UTP4: variants seen among roughly 807,000 people sequenced by gnomAD.
UTP4 encodes UTP4 small subunit processome component, also known as U3 small nucleolar RNA-associated protein 4 homolog.
A neutral mutation model predicts 82.4 loss-of-function variants in UTP4; 45 were observed. The observed-to-expected ratio is 0.55, with a 90% CI of 0.43 to 0.70. The LOEUF (loss-of-function observed/expected upper bound fraction) is 0.70. Ranked by LOEUF, UTP4 falls within the 30% of genes least tolerant of loss-of-function variation. The probability of loss-of-function intolerance (pLI) is 0.00; values close to 1 mark genes in which losing one functional copy is unlikely to be tolerated. For missense variants in UTP4, 819 were observed against 858.3 expected (o/e 0.95, Z 0.57); for synonymous variants, 348 against 300.3 (o/e 1.16, Z -1.64).
At chr16:69,154,773 A>G (rs1362323368) in intron 10 of UTP4, among the ~76,000 whole-genome samples, 1 of 151,536 alleles carries the variant, frequency 6.6e-6, no homozygotes, top group South Asian at 2.1e-4. Context: ...TTGTTGCCCA[A>G]GCTGGAGTGC....
chr16:69,139,512 G>A (rs1238616226), intron 4 of UTP4, among the ~76,000 whole-genome samples: 1 of 151,546 alleles, frequency 6.6e-6, no homozygotes, highest in Non-Finnish European at 1.5e-5. Flanking sequence ...GGTGGCAGGT[G>A]CCTGTAATCT....
intron 9 of UTP4, 122 bp from the exon 10 acceptor site, chr16:69,154,271 T>C: frequency 2.6e-6 from 2 of 758,898 alleles, no homozygotes; most frequent in Non-Finnish European, 4.6e-6. Flanking sequence ...TCAGTGAGCT[T>C]GTATTTTTCT....
At chr16:69,145,258 C>T (rs1963076515) in intron 6 of UTP4, among the ~76,000 whole-genome samples, 1 of 152,010 alleles carries the variant, frequency 6.6e-6, no homozygotes, top group Admixed American at 6.6e-5. Context: ...GAGAAAACTA[C>T]CCTTTTTAAA....
intron 4 of UTP4, chr16:69,139,524 A>T (rs1962900433): frequency 6.5e-6 from 1 of 154,748 alleles, no homozygotes; most frequent in Admixed American, 6.5e-5. Context: ...CTGTAATCTC[A>T]GCTACTAGGG....
intron 10 of UTP4, among the ~76,000 whole-genome samples, chr16:69,154,734 T>C (rs1963364603): frequency 6.6e-6 from 1 of 151,596 alleles, no homozygotes. Flanking sequence ...ATTTATTTAT[T>C]TATTTATTTT....
chr16:69,149,060 A>T (rs906441665), intron 6 of UTP4, among the ~76,000 whole-genome samples: 1 of 151,778 alleles, frequency 6.6e-6, no homozygotes, highest in Non-Finnish European at 1.5e-5. Flanking sequence ...AGCCTGGCAA[A>T]CGTGGTAAAA....
rs1963446203 is a variant in UTP4 at position 69,157,339 on chromosome 16, C to T, written c.1444+99C>T. ...TGTCGGGGGTTCCCTCATGTTCCTC[C>T]TACCCTGCAGATACACTCACTCACA... On this transcript the variant is annotated intron_variant, in intron 12 of 16. Coordinates refer to ENST00000314423, the MANE Select transcript of UTP4 (RefSeq NM_032830.3). The T allele has an allele frequency of 3.6e-5, 43 of 1,200,492 alleles. No individual in the cohort carries two copies. The South Asian group carries it at 5.6e-4, about 16-fold the overall frequency. 74.4% of individuals were successfully genotyped at this position (1,200,492 alleles called of 1,614,324 possible). A position where few individuals can be genotyped will look rare whatever the true frequency, so the allele number is the denominator to read the frequency against.
At position 69,157,250 on chromosome 16, in the gene UTP4, T is replaced by C. The variant is rs763381663; in HGVS notation, c.1444+10T>C. 1.2e-6 allele frequency: 2 copies of C among 1,613,760 alleles called. No homozygotes were observed. Among genetic ancestry groups the C allele is most frequent in the Non-Finnish European group, 1.7e-6 (2 of 1,179,894 alleles). ...TTCCAGCCTCAGTCAGGTGGGAATC[T>C]GGTAACTGGCCATGGGGAGACTTGT... On this transcript the variant is annotated intron_variant, in intron 12 of 16. Transcript: ENST00000314423.
chr16:69,136,930 G>T (rs373783176), intron 3 of UTP4, 43 bp downstream of exon 3: 3 of 1,542,876 alleles, frequency 1.9e-6, no homozygotes, highest in African/African-American at 1.4e-5. Flanking sequence ...AATTTCTCTC[G>T]TGCCTGCTCA....
chr16:69,165,740 G>C, intron 15 of UTP4: 1 of 631,480 alleles, frequency 1.6e-6, no homozygotes, highest in East Asian at 2.7e-5. Context: ...TCTCGGGGAA[G>C]GGGCTGGCCT....
intron 2 of UTP4, among the ~76,000 whole-genome samples, chr16:69,136,469 A>G (rs908882420): frequency 2.0e-5 from 3 of 152,238 alleles, no homozygotes; most frequent in African/African-American, 7.2e-5. Context: ...TTTTCTGCTG[A>G]AAATGTTTTG....
intron 5 of UTP4, among the ~76,000 whole-genome samples, chr16:69,140,137 C>T (rs1175794528): frequency 2.6e-5 from 4 of 152,052 alleles, no homozygotes; most frequent in African/African-American, 4.8e-5. Flanking sequence ...TTTCATTCAT[C>T]GTAATAAGAA....
intron 16 of UTP4, chr16:69,167,578 T>C: frequency 5.0e-6 from 1 of 201,476 alleles, no homozygotes; most frequent in Non-Finnish European, 1.0e-5. Flanking sequence ...CAGGTGGATC[T>C]CCTCAGCCCA....
chr16:69,146,088 C>G (rs1963100193), intron 6 of UTP4, among the ~76,000 whole-genome samples: 1 of 148,364 alleles, frequency 6.7e-6, no homozygotes, highest in Admixed American at 6.7e-5. Context: ...GCAACAGAGA[C>G]TCTGTCTCAA....
intron 9 of UTP4, among the ~76,000 whole-genome samples, 188 bp from the exon 10 acceptor site, chr16:69,154,205 C>T (rs761681831): frequency 3.3e-5 from 5 of 152,146 alleles, no homozygotes; most frequent in Non-Finnish European, 4.4e-5. Context: ...AGGATAGAAG[C>T]AAAAGAAGTA....
intron 6 of UTP4, among the ~76,000 whole-genome samples, chr16:69,147,583 G>C (rs1963152161): frequency 6.6e-6 from 1 of 152,112 alleles, no homozygotes; most frequent in Non-Finnish European, 1.5e-5. Context: ...TCTCTGATCT[G>C]GTTGTGCTTG....
At chr16:69,149,357 G>A (rs146836128) in intron 6 of UTP4, among the ~76,000 whole-genome samples, 427 of 152,152 alleles carry the variant, frequency 2.8e-3, no homozygotes, top group Non-Finnish European at 5.0e-3. Context: ...TCCAGCCTGG[G>A]CGACAAGAGT....
chr16:69,140,776 T>C (rs997121103), intron 5 of UTP4, among the ~76,000 whole-genome samples: 4 of 152,176 alleles, frequency 2.6e-5, no homozygotes, highest in African/African-American at 9.7e-5. Context: ...GCTGATTCTT[T>C]TGGTATCTAT....
intron 13 of UTP4, among the ~76,000 whole-genome samples, chr16:69,161,349 A>T (rs1172695847): frequency 6.6e-6 from 1 of 152,218 alleles, no homozygotes; most frequent in Non-Finnish European, 1.5e-5. Context: ...GAATAACATC[A>T]AACTGCAACA....
Sources: gnomAD v4.1 joint callset for allele counts (sites outside exome capture counted in the v4.1 genomes callset) on GRCh38, gnomAD v4.1.1 for gene constraint, MANE v1.5 for transcripts, NCBI Gene and HGNC (gene_info 2026-07-23, HGNC 2026-07-21) for gene names.